Variants in FBXL19 observed in about 807,000 individuals in gnomAD.
FBXL19 encodes the protein F-box and leucine rich repeat protein 19, also known as F-box/LRR-repeat protein 19.
FBXL19 carries 16 observed loss-of-function variants against 71.2 expected under a neutral mutation model. The observed-to-expected ratio is 0.22, with a 90% CI of 0.15 to 0.34. The LOEUF is 0.34. Among genes scored for constraint, FBXL19 ranks in the 10% least tolerant of loss-of-function variants. The pLI, the probability that FBXL19 is intolerant of heterozygous loss-of-function variation, is 1.00. For synonymous variants in FBXL19, 447 were observed against 409.4 expected, an observed-to-expected ratio of 1.09 and a Z score of -1.11; for missense variants, 658 against 968.2, an observed-to-expected ratio of 0.68 and a Z score of 4.25.
rs775145972 is a variant in FBXL19 at position 30,946,872 on chromosome 16, C to T, written c.1770C>T (p.Val590=). ...SALDLSHCAH[V]GDPSVHLLTA... ...TGGACCTGAGCCACTGCGCCCACGT[C>T]GGGGACCCCAGTGTTCACCTCCTCA... Residue 590 remains valine (V), a synonymous_variant, in exon 10 of 11, where the codon GTC becomes GTT. Transcript: ENST00000338343. The surrounding 1 kb of genome is among the most constrained non-coding windows in gnomAD (Gnocchi z 6.7). The T allele has an allele frequency of 6.8e-6, 11 of 1,611,402 alleles. No homozygotes were observed. The highest frequency in any genetic ancestry group is 6.7e-5 in the Admixed American group (4 of 59,804).
Position 30,931,040 on chromosome 16 carries a change from A to G in FBXL19, c.1301+456A>G, listed in dbSNP as rs142342707. On this transcript the variant is annotated intron_variant, in intron 7 of 10. Coordinates refer to ENST00000338343, the MANE Select transcript of FBXL19 (RefSeq NM_001382779.1). ...CGATTGGTTCCATTCACTTAGGAGAACGCCATGTGCTGGGCTGCCCCTGCC... is the reference window on the plus strand; with the variant it reads ...CGATTGGTTCCATTCACTTAGGAGAGCGCCATGTGCTGGGCTGCCCCTGCC... Among the ~76,000 whole-genome samples the G allele has an allele frequency of 9.2e-5, 14 of 152,144 alleles. No individual in the cohort carries two copies. The East Asian group carries it at 2.7e-3, about 30-fold the overall frequency.
In FBXL19 at chr16:30,942,388, G is replaced by A. The variant is rs1171075314; in HGVS notation, c.1479G>A (p.Leu493=). 1 of 1,610,108 alleles carries A rather than the reference G, an allele frequency of 6.2e-7. No homozygotes were observed. The stretch of plus-strand genomic sequence containing the variant: ...CCCTCTCCGCAGGCCTGCAGGAGCT[G>A]GTGCTCTCTGGCTGCTCCTGGCTCT... The part of the protein sequence containing the change: ...LLNRLQGLQE[L]VLSGCSWLSV... Residue 493 remains leucine (L), a synonymous_variant, in exon 9 of 11, where the codon CTG becomes CTA. Coordinates refer to ENST00000338343, the MANE Select transcript of FBXL19 (RefSeq NM_001382779.1). This position sits in a 1 kb window ranked among gnomAD's most constrained non-coding sequence, Gnocchi z 5.7.
At position 30,930,505 on chromosome 16, in the gene FBXL19, G is replaced by A. The variant is rs770024585; in HGVS notation, c.1222G>A (p.Ala408Thr). 14 of 1,529,122 alleles carry A rather than the reference G, an allele frequency of 9.2e-6. No homozygotes were observed. Among genetic ancestry groups the A allele is most frequent in the South Asian group, 3.6e-5 (3 of 83,126 alleles). 94.7% of individuals were successfully genotyped at this position (1,529,122 alleles called of 1,614,324 possible). ...ATCCGACCACCCCCTGCCCCGGGCC[G>A]CCTGGCTTCGCGTCTTCCAGCACCT... ...AGSDHPLPRA[A>T]WLRVFQHLGP... is the part of the protein sequence containing the mutation. Residue 408 changes from alanine to threonine, a missense_variant, in exon 7 of 11, where the codon GCC becomes ACC. Physicochemically the swap from Ala to Thr is moderately conservative, Grantham distance 58 (BLOSUM62 0). Coordinates refer to ENST00000338343, the MANE Select transcript of FBXL19 (RefSeq NM_001382779.1). The surrounding 1 kb of genome is among the most constrained non-coding windows in gnomAD (Gnocchi z 8.5).
chr16:30,935,414 G>T (rs1304535533), intron 7 of FBXL19, among the ~76,000 whole-genome samples: 1 of 152,174 alleles, frequency 6.6e-6, no homozygotes, highest in African/African-American at 2.4e-5. Flanking sequence ...TCTTTTCTTG[G>T]AACTGAAAGG....
intron 7 of FBXL19, among the ~76,000 whole-genome samples, chr16:30,937,815 G>A (rs754336985): frequency 6.6e-6 from 1 of 152,080 alleles, no homozygotes; most frequent in Non-Finnish European, 1.5e-5. Flanking sequence ...TCCTGTGGGT[G>A]CCCCCAGGGA....
chr16:30,937,213 A>G (rs2055748781), intron 7 of FBXL19, among the ~76,000 whole-genome samples: 1 of 151,988 alleles, frequency 6.6e-6, no homozygotes, highest in African/African-American at 2.4e-5. Context: ...TCTGGTTATG[A>G]TGATGAGTTC....
intron 7 of FBXL19, among the ~76,000 whole-genome samples, chr16:30,939,160 C>T (rs1453231915): frequency 6.6e-6 from 1 of 151,764 alleles, no homozygotes; most frequent in Non-Finnish European, 1.5e-5. Flanking sequence ...CAAGCTCCGC[C>T]TCCCAGGTTC....
rs910358942 is a variant in FBXL19, at chr16:30,927,367, G to C, written c.237G>C (p.Thr79=). Residue 79 remains threonine, a synonymous_variant, in exon 3 of 11, where the codon ACG becomes ACC. Transcript: ENST00000338343. ...GTGGGGAGGCTGGGAAGGAGGACAC[G>C]GTGGAGGGAGAGGAAGAGAAATTTG... ...LLCGEAGKED[T]VEGEEEKFGL... 6.3e-7 allele frequency: 1 copy of C among 1,591,672 alleles called. No individual in the cohort carries two copies. Among genetic ancestry groups the C allele is most frequent in the Non-Finnish European group, 8.6e-7 (1 of 1,169,056 alleles).
At chr16:30,945,662 CAAAAA>C (rs1026782160) in intron 9 of FBXL19, among the ~76,000 whole-genome samples, 2 of 72,996 alleles carry the variant, frequency 2.7e-5, no homozygotes, top group African/African-American at 5.3e-5. Flanking sequence ...GACTCCATCT[CAAAAA>C]AAAAAAAAAA....
intron 7 of FBXL19, among the ~76,000 whole-genome samples, chr16:30,933,118 A>G (rs2143340288): frequency 6.6e-6 from 1 of 152,080 alleles, no homozygotes. Flanking sequence ...CTCCTGCCTC[A>G]GCCTCCTGAG....
In FBXL19 at chr16:30,927,946, C is replaced by A; in HGVS notation, c.610C>A (p.Pro204Thr). Residue 204 changes from proline to threonine, a missense_variant, in exon 5 of 11, where the codon CCC becomes ACC. Pro to Thr is a conservative substitution (Grantham distance 38). Around this residue, in one of 8 missense-constraint regions of FBXL19, gnomAD observed 447 missense variants for 515.4 expected, o/e 0.87. Transcript: ENST00000338343. The stretch of plus-strand genomic sequence containing the variant: ...GGAAAGGGAGGCAGGGAATGAGCCT[C>A]CCACCCCAAGGAAAAAGGTGAGCCA... ...RKEREAGNEP[P>T]TPRKKVKGGR... 6.5e-7 allele frequency: 1 copy of A among 1,529,284 alleles called. No individual in the cohort carries two copies. Among genetic ancestry groups the A allele is most frequent in the African/African-American group, 1.4e-5 (1 of 71,532 alleles). The allele number at this position is 1,529,284 out of a possible 1,614,324, so 94.7% of individuals were successfully genotyped here.
At chr16:30,937,861 A>C (rs1378491294) in intron 7 of FBXL19, among the ~76,000 whole-genome samples, 1 of 151,982 alleles carries the variant, frequency 6.6e-6, no homozygotes, top group Non-Finnish European at 1.5e-5. Flanking sequence ...CGTGGAAGGG[A>C]AGTGGCTTCA....
chr16:30,946,209 ATTTATTTATTTT>A lies in FBXL19; in HGVS notation c.1628-520_1628-509del, dbSNP rs928059852. ...AGGTCACAGACTCTTTTATTTATTT[ATTTATTTATTTT>A]GAGATGGAGTCTCGCTCTGTTGCCC... On this transcript the variant is annotated intron_variant, in intron 9 of 10. Transcript: ENST00000338343. The surrounding 1 kb of genome is among the most constrained non-coding windows in gnomAD (Gnocchi z 6.7). 2.6e-5 allele frequency among the ~76,000 whole-genome samples: 4 copies of A among 151,942 alleles called. No homozygotes were observed. The highest frequency in any genetic ancestry group is 5.9e-5 in the Non-Finnish European group (4 of 67,974).
At chr16:30,926,035 C>T (rs1596649199) in intron 2 of FBXL19, 104 bp downstream of exon 2, 1 of 1,340,988 alleles carries the variant, frequency 7.5e-7, no homozygotes, top group South Asian at 1.9e-5. Context: ...GCTGTTTGTT[C>T]ACTCGTTCAT....
chr16:30,945,699 C>G (rs1325803121), intron 9 of FBXL19, among the ~76,000 whole-genome samples: 1 of 144,956 alleles, frequency 6.9e-6, no homozygotes, highest in African/African-American at 2.6e-5. Context: ...TGGTCAGGTG[C>G]GGTGGCTCAG....
chr16:30,929,936 T>C, intron 6 of FBXL19, 137 bp from the exon 7 acceptor site: 3 of 1,161,380 alleles, frequency 2.6e-6, no homozygotes, highest in South Asian at 3.3e-5. Flanking sequence ...GCAAGGTCTC[T>C]CACTGTCCGG....
In FBXL19 at chr16:30,930,230, C is replaced by G. The variant is rs1395886012; in HGVS notation, c.947C>G (p.Ser316Cys). ...SSSDSDSDSD[S>C]SGTSLSEDEA... ...TCGGACTCAGACTCCGACTCCGACT[C>G]TTCGGGCACATCGCTGAGTGAGGAC... The change falls in exon 7 of 11, where the codon TCT becomes TGT. Residue 316 changes from serine to cysteine, a missense_variant. This residue lies in a region of FBXL19 where 447 missense variants were observed against 515.4 expected (regional missense o/e 0.87). Coordinates refer to ENST00000338343, the MANE Select transcript of FBXL19 (RefSeq NM_001382779.1). This position sits in a 1 kb window ranked among gnomAD's most constrained non-coding sequence, Gnocchi z 8.5. The G allele has an allele frequency of 6.2e-7, 1 of 1,613,048 alleles. No homozygotes were observed.
intron 7 of FBXL19, among the ~76,000 whole-genome samples, chr16:30,937,859 G>A (rs936978204): frequency 1.3e-5 from 2 of 152,106 alleles, no homozygotes; most frequent in Non-Finnish European, 2.9e-5. Context: ...ACCGTGGAAG[G>A]GAAGTGGCTT....
upstream of FBXL19, chr16:30,922,979 G>A (rs2143289773): frequency 6.7e-6 from 3 of 448,162 alleles, no homozygotes; most frequent in Non-Finnish European, 1.4e-5. Context: ...AAGGAACACT[G>A]GAAGGCTATA....
Sources: gnomAD v4.1 joint callset for allele counts (sites outside exome capture counted in the v4.1 genomes callset) on GRCh38, gnomAD v4.1.1 for gene constraint, gnomAD v4.1.1 regional missense constraint, Gnocchi (gnomAD v3.1) non-coding constraint, MANE v1.5 for transcripts, NCBI Gene and HGNC (gene_info 2026-07-23, HGNC 2026-07-21) for gene names.